The following KCNAB1 variants were observed in gnomAD, a reference collection of about 807,000 sequenced individuals.
KCNAB1 encodes the protein potassium voltage-gated channel subfamily A regulatory beta subunit 1, also known as voltage-gated potassium channel subunit beta-1.
A neutral mutation model predicts 64.6 loss-of-function variants in KCNAB1; 35 were observed. The observed-to-expected ratio is 0.54, with a 90% CI of 0.41 to 0.72. The LOEUF (loss-of-function observed/expected upper bound fraction) is 0.72. Among genes scored for constraint, KCNAB1 ranks in the 30% least tolerant of loss-of-function variants. The probability of loss-of-function intolerance (pLI) is 0.00; values close to 1 mark genes in which losing one functional copy is unlikely to be tolerated. For missense variants in KCNAB1, 401 were observed against 512.9 expected, an observed-to-expected ratio of 0.78 and a Z score of 2.11; for synonymous variants, 177 against 183.8, an observed-to-expected ratio of 0.96 and a Z score of 0.30.
At chr3:156,132,508 C>T (rs1230583769) in intron 1 of KCNAB1, among the ~76,000 whole-genome samples, 1 of 152,148 alleles carries the variant, frequency 6.6e-6, no homozygotes, top group South Asian at 2.1e-4. Flanking sequence ...CTCCCCCATT[C>T]CATTGTGAGA....
rs1251911943 is a variant in KCNAB1, at chr3:156,516,353, G to A, written c.949G>A (p.Ala317Thr). 2 of 1,610,910 alleles carry A rather than the reference G, an allele frequency of 1.2e-6. No individual in the cohort carries two copies. Among genetic ancestry groups the A allele is most frequent in the African/African-American group, 1.3e-5 (1 of 74,838 alleles). Residue 317 changes from alanine (A) to threonine (T), a missense_variant, in exon 11 of 14, where the codon GCT becomes ACT. Coordinates refer to ENST00000490337, the MANE Select transcript of KCNAB1 (RefSeq NM_172160.3). Reference protein sequence around the residue: ...YGNGVPESSRASLKCYQWLKE... With the variant: ...YGNGVPESSRTSLKCYQWLKE... ...AAACGGGGTGCCTGAAAGTTCCAGG[G>A]CTTCACTGAAGGTATTTTTCTCAAT...
At chr3:156,486,303 T>C (rs1715210087) in intron 8 of KCNAB1, among the ~76,000 whole-genome samples, 1 of 152,124 alleles carries the variant, frequency 6.6e-6, no homozygotes, top group Non-Finnish European at 1.5e-5. Flanking sequence ...CCCTACTCTC[T>C]GTTCAGTGAC....
chr3:156,316,296 A>T (rs911128931), intron 1 of KCNAB1, among the ~76,000 whole-genome samples: 1 of 152,228 alleles, frequency 6.6e-6, no homozygotes, highest in Non-Finnish European at 1.5e-5. Flanking sequence ...CTGGGCTGGA[A>T]GCCTAGACTC....
At chr3:156,535,773 T>C (rs907061) in intron 13 of KCNAB1, among the ~76,000 whole-genome samples, 152,266 of 152,274 alleles carry the variant, frequency 1, 76,129 homozygotes, top group Middle Eastern at 1. Context: ...CCCTATTGCC[T>C]GGCTTGGATT....
chr3:156,320,409 C>T (rs1047762082), intron 1 of KCNAB1, among the ~76,000 whole-genome samples: 2 of 152,162 alleles, frequency 1.3e-5, no homozygotes, highest in Admixed American at 6.5e-5. Flanking sequence ...AGCTTAAATG[C>T]ACTGAAAGAA....
In KCNAB1 at chr3:156,221,914, G is replaced by A. The variant is rs114766378; in HGVS notation, c.275+101028G>A. The stretch of plus-strand genomic sequence containing the variant: ...CCAGCACTGTAAGAACTGCTAGACG[G>A]AGCACTAAATCTTGAGACAAATCCT... On this transcript the variant is annotated intron_variant, in intron 1 of 13. Transcript: ENST00000490337. 9.0e-3 allele frequency among the ~76,000 whole-genome samples: 1,373 copies of A among 152,208 alleles called. 33 individuals are homozygous for A. The highest frequency in any genetic ancestry group is 0.031 in the African/African-American group (1,272 of 41,522).
intron 1 of KCNAB1, among the ~76,000 whole-genome samples, chr3:156,308,940 C>T (rs1004048967): frequency 6.6e-6 from 1 of 152,100 alleles, no homozygotes; most frequent in Admixed American, 6.5e-5. Flanking sequence ...CACACTTGTA[C>T]TGATAATTTA....
chr3:156,406,815 T>C (rs1714278398), intron 1 of KCNAB1, among the ~76,000 whole-genome samples: 1 of 152,052 alleles, frequency 6.6e-6, no homozygotes, highest in South Asian at 2.1e-4. Context: ...AGACGGGAAG[T>C]AGAGAGCCTA....
intron 1 of KCNAB1, among the ~76,000 whole-genome samples, chr3:156,386,087 T>C (rs1560231371): frequency 6.6e-6 from 1 of 152,182 alleles, no homozygotes; most frequent in Non-Finnish European, 1.5e-5. Flanking sequence ...AAGAAATAAT[T>C]TGACAAAGGG....
chr3:156,459,078 G>T (rs936126524), intron 4 of KCNAB1, among the ~76,000 whole-genome samples: 1 of 152,184 alleles, frequency 6.6e-6, no homozygotes, highest in African/African-American at 2.4e-5. Flanking sequence ...AATGGACAAG[G>T]TGCTAATTCC....
intron 11 of KCNAB1, among the ~76,000 whole-genome samples, chr3:156,523,546 T>G (rs6441076): frequency 6.6e-6 from 1 of 152,100 alleles, no homozygotes; most frequent in Admixed American, 6.5e-5. Context: ...AGGCTAGGAT[T>G]TAAGTGCTTG....
At chr3:156,515,048 A>G in intron 9 of KCNAB1, 52 bp from the exon 10 acceptor site, 1 of 1,512,898 alleles carries the variant, frequency 6.6e-7, no homozygotes, top group Non-Finnish European at 8.9e-7. Context: ...AATTACAGCG[A>G]AGCCTTATTT....
intron 1 of KCNAB1, among the ~76,000 whole-genome samples, chr3:156,191,040 T>C (rs967437814): frequency 6.6e-6 from 1 of 152,212 alleles, no homozygotes; most frequent in Admixed American, 6.5e-5. Context: ...GCATGCCTCC[T>C]CCAAAATGCA....
At chr3:156,373,431 G>A (rs1432561991) in intron 1 of KCNAB1, among the ~76,000 whole-genome samples, 1 of 152,208 alleles carries the variant, frequency 6.6e-6, no homozygotes, top group Non-Finnish European at 1.5e-5. Context: ...CTTCACAGAA[G>A]TGAAGAGTCA....
At chr3:156,482,253 G>T (rs76222324) in intron 8 of KCNAB1, among the ~76,000 whole-genome samples, 54 of 151,182 alleles carry the variant, frequency 3.6e-4, no homozygotes, top group African/African-American at 1.3e-3. Context: ...TTTCAAAGAT[G>T]TCTCTAGAAA....
intron 2 of KCNAB1, among the ~76,000 whole-genome samples, chr3:156,445,570 C>T (rs1325514594): frequency 3.3e-5 from 5 of 152,194 alleles, no homozygotes; most frequent in African/African-American, 1.2e-4. Context: ...AAACAACCAA[C>T]GTTCCACAAA....
chr3:156,328,698 T>C (rs1317242201), intron 1 of KCNAB1, among the ~76,000 whole-genome samples: 1 of 152,216 alleles, frequency 6.6e-6, no homozygotes, highest in Non-Finnish European at 1.5e-5. Context: ...TCTTCTGATC[T>C]CTGTAGAATT....
chr3:156,199,515 C>T (rs1440838674), intron 1 of KCNAB1, among the ~76,000 whole-genome samples: 1 of 152,138 alleles, frequency 6.6e-6, no homozygotes, highest in South Asian at 2.1e-4. Context: ...TTGTTCATTC[C>T]TTTTCATTCT....
chr3:156,200,344 G>A (rs982647059), intron 1 of KCNAB1, among the ~76,000 whole-genome samples: 2 of 152,356 alleles, frequency 1.3e-5, no homozygotes, highest in East Asian at 1.9e-4. Context: ...AGCAGAGCTC[G>A]AGCGCTGTGC....
Sources: allele counts gnomAD v4.1 joint callset (sites outside exome capture counted in the v4.1 genomes callset), GRCh38; gene constraint gnomAD v4.1.1; transcripts MANE v1.5; gene names NCBI Gene and HGNC (gene_info 2026-07-23, HGNC 2026-07-21).